The following TMCO1 variants were observed in gnomAD, a reference collection of about 807,000 sequenced individuals.
TMCO1 encodes calcium load-activated calcium channel.
A neutral mutation model predicts 29.3 loss-of-function variants in TMCO1; 29 were observed. The observed-to-expected ratio is 0.99, with a 90% CI of 0.74 to 1.35. The LOEUF is 1.35. TMCO1 is among the 40% of genes most tolerant of loss of function. The probability of loss-of-function intolerance (pLI) is 0.00; values close to 1 mark genes in which losing one functional copy is unlikely to be tolerated. For synonymous variants in TMCO1, 80 were observed against 77.1 expected (o/e 1.04, Z -0.20); for missense variants, 173 against 225.5 (o/e 0.77, Z 1.49).
chr1:165,748,742 C>T (rs896635095), intron 5 of TMCO1, among the ~76,000 whole-genome samples: 1 of 152,144 alleles, frequency 6.6e-6, no homozygotes, highest in Non-Finnish European at 1.5e-5. Flanking sequence ...TGGTGTTGTA[C>T]ATTCTATGGG....
rs1484316001 is a variant in TMCO1 at position 165,727,734 on chromosome 1, A to G, written c.*289T>C. On this transcript the variant is annotated 3_prime_UTR_variant, in exon 7 of 7. Coordinates refer to ENST00000367881, the MANE Select transcript of TMCO1 (RefSeq NM_019026.6). Reference sequence around the variant, plus strand: ...CTTGAGAGTCGGTCCCACAGAAAATACTTATGTAAATGAAACAAGAAGGAT... The same window carrying G: ...CTTGAGAGTCGGTCCCACAGAAAATGCTTATGTAAATGAAACAAGAAGGAT... The G allele has an allele frequency of 2.2e-6, 1 of 458,160 alleles. No homozygotes were observed. The highest frequency in any genetic ancestry group is 2.0e-5 in the African/African-American group (1 of 50,314). 28.4% of individuals were successfully genotyped at this position (458,160 alleles called of 1,614,324 possible). A position where few individuals can be genotyped will look rare whatever the true frequency, so the allele number is the denominator to read the frequency against.
intron 6 of TMCO1, among the ~76,000 whole-genome samples, chr1:165,736,750 A>T (rs1651407056): frequency 3.9e-5 from 6 of 152,132 alleles, no homozygotes; most frequent in Admixed American, 3.9e-4. Context: ...AACAAAAAAA[A>T]GAGAACAGGG....
rs1280256078 is a variant in TMCO1, at chr1:165,743,253, G to A, written c.382C>T (p.Leu128=). Residue 128 remains leucine (L), a synonymous_variant, in exon 6 of 7, where the codon CTG becomes TTG. Coordinates refer to ENST00000367881, the MANE Select transcript of TMCO1 (RefSeq NM_019026.6). ...TCTCCCAGCAGATTTCGATGAGACA[G>A]TCCTTGGATGTAAGAAAGAGGGGTA... The part of the protein sequence containing the change: ...PFTPLSYIQG[L]SHRNLLGDDT... The A allele has an allele frequency of 6.2e-7, 1 of 1,613,484 alleles. No homozygotes were observed. Among genetic ancestry groups the A allele is most frequent in the South Asian group, 1.1e-5 (1 of 91,056 alleles).
chr1:165,734,806 C>T (rs1042576897), intron 6 of TMCO1, among the ~76,000 whole-genome samples: 3 of 151,986 alleles, frequency 2.0e-5, no homozygotes, highest in African/African-American at 7.2e-5. Context: ...CTCGGCCCAT[C>T]GTTTTTTGTT....
chr1:165,742,135 T>G (rs993991679), intron 6 of TMCO1, among the ~76,000 whole-genome samples: 1 of 152,126 alleles, frequency 6.6e-6, no homozygotes, highest in Non-Finnish European at 1.5e-5. Context: ...TAAGGAAAAT[T>G]TTATGTTCCT....
At position 165,737,755 on chromosome 1, in the gene TMCO1, T is replaced by A. The variant is rs151330356; in HGVS notation, c.468+5412A>T. ...CAGAATTCTATGTCCAATGAAAATA[T>A]CCTTCAAGAATGAAGATAAAATAAA... On this transcript the variant is annotated intron_variant, in intron 6 of 6. Coordinates refer to ENST00000367881, the MANE Select transcript of TMCO1 (RefSeq NM_019026.6). Among the ~76,000 whole-genome samples, 160 of 152,340 alleles carry A rather than the reference T, an allele frequency of 1.1e-3. 2 individuals are homozygous for A. The East Asian group carries it at 0.029, about 27-fold the overall frequency.
downstream of TMCO1, chr1:165,725,579 A>G: frequency 2.2e-6 from 1 of 454,146 alleles, no homozygotes; most frequent in Non-Finnish European, 4.4e-6. Context: ...GAGACAATCC[A>G]TCTTACATAG....
chr1:165,743,367 TA>T lies in TMCO1; in HGVS notation c.324-57del, dbSNP rs1047150448. ...ATCTTTGGAAGACTGACAACTTTCT[TA>T]CTTCCAAAGAAGAATCTGGGACAGA... On this transcript the variant is annotated intron_variant, in intron 5 of 6. Coordinates refer to ENST00000367881, the MANE Select transcript of TMCO1 (RefSeq NM_019026.6). 2.7e-5 allele frequency: 43 copies of T among 1,570,810 alleles called. No homozygotes were observed. In the Admixed American group the frequency reaches 4.9e-4, roughly 18 times the overall value.
intron 2 of TMCO1, among the ~76,000 whole-genome samples, chr1:165,761,179 G>C (rs992590961): frequency 2.0e-5 from 3 of 152,086 alleles, no homozygotes; most frequent in Admixed American, 2.0e-4. Flanking sequence ...ATTTGTGTGT[G>C]TGTGTGTGTG....
chr1:165,759,430 G>C, intron 3 of TMCO1, 95 bp downstream of exon 3: 1 of 870,596 alleles, frequency 1.1e-6, no homozygotes, highest in Non-Finnish European at 1.9e-6. Flanking sequence ...ATAGAAATGT[G>C]AGTTATCACT....
chr1:165,732,516 T>C (rs1262086514), intron 6 of TMCO1, among the ~76,000 whole-genome samples: 1 of 150,068 alleles, frequency 6.7e-6, no homozygotes, highest in East Asian at 2.0e-4. Flanking sequence ...TATATATATA[T>C]ATATAAACAT....
chr1:165,732,300 G>A (rs548876174), intron 6 of TMCO1, among the ~76,000 whole-genome samples: 74 of 146,808 alleles, frequency 5.0e-4, no homozygotes, highest in Non-Finnish European at 9.4e-4. Context: ...AAAGTGAACT[G>A]ATATAACTCA....
At chr1:165,726,466 T>A (rs1350383825), downstream of TMCO1, 1 of 554,348 alleles carries the variant, frequency 1.8e-6, no homozygotes, top group African/African-American at 1.9e-5. Context: ...AATATAGAGC[T>A]TGACAGCCTG....
intron 3 of TMCO1, among the ~76,000 whole-genome samples, chr1:165,755,569 G>C (rs565414006): frequency 6.6e-6 from 1 of 152,104 alleles, no homozygotes; most frequent in Non-Finnish European, 1.5e-5. Flanking sequence ...TATTCAAGGA[G>C]GCTGAGGCAA....
In TMCO1 at chr1:165,727,298, T is replaced by TG. The variant is rs754137018; in HGVS notation, c.*724_*725insC. On this transcript the variant is annotated 3_prime_UTR_variant, in exon 7 of 7. Coordinates refer to ENST00000367881, the MANE Select transcript of TMCO1 (RefSeq NM_019026.6). Reference sequence around the variant, plus strand: ...TTTTTATTTATTTATTTATATTTAATTTTTTTTCAGACATCAGTGTTACTT... The same window carrying TG: ...TTTTTATTTATTTATTTATATTTAATGTTTTTTTCAGACATCAGTGTTACTT... 55 of 446,706 alleles carry TG rather than the reference T, an allele frequency of 1.2e-4. 1 individual carries two copies. The highest frequency in any genetic ancestry group is 8.6e-4 in the South Asian group (53 of 61,632). 27.7% of individuals were successfully genotyped at this position (446,706 alleles called of 1,614,324 possible). A position where few individuals can be genotyped will look rare whatever the true frequency, so the allele number is the denominator to read the frequency against.
chr1:165,736,419 T>C (rs904889126), intron 6 of TMCO1, among the ~76,000 whole-genome samples: 2 of 152,036 alleles, frequency 1.3e-5, no homozygotes, highest in Admixed American at 6.6e-5. Context: ...GAAAATATAC[T>C]GTTACTTAAG....
intron 6 of TMCO1, among the ~76,000 whole-genome samples, chr1:165,729,140 T>G (rs1308188149): frequency 6.7e-6 from 1 of 148,690 alleles, no homozygotes; most frequent in East Asian, 1.9e-4. Context: ...AGTTTCAATT[T>G]CTTTACAGTG....
chr1:165,748,419 G>C (rs1206921696), intron 5 of TMCO1, among the ~76,000 whole-genome samples: 1 of 152,142 alleles, frequency 6.6e-6, no homozygotes, highest in East Asian at 1.9e-4. Context: ...CTGGTGCTAG[G>C]ATGAATGAGA....
At chr1:165,725,532 C>A (rs1650838842), downstream of TMCO1, 1 of 454,094 alleles carries the variant, frequency 2.2e-6, no homozygotes, top group South Asian at 1.6e-5. Flanking sequence ...TAGACTAATG[C>A]AGATATTAGT....
Sources: gnomAD v4.1 joint callset for allele counts (sites outside exome capture counted in the v4.1 genomes callset) on GRCh38, gnomAD v4.1.1 for gene constraint, MANE v1.5 for transcripts, NCBI Gene and HGNC (gene_info 2026-07-23, HGNC 2026-07-21) for gene names.